Variants in KLHL5 observed in about 807,000 individuals in gnomAD.
KLHL5 encodes the protein kelch-like protein 5.
A neutral mutation model predicts 77.7 loss-of-function variants in KLHL5; 48 were observed. That is an observed-to-expected ratio of 0.62 (90% CI 0.49 to 0.79). The LOEUF (loss-of-function observed/expected upper bound fraction) is 0.79, where lower values mean the gene tolerates loss of function less well. KLHL5 is among the 30% of genes least tolerant of loss of function. The pLI is 0.00. For synonymous variants in KLHL5, 260 were observed against 297.0 expected, an observed-to-expected ratio of 0.88 and a Z score of 1.28; for missense variants, 723 against 859.7, an observed-to-expected ratio of 0.84 and a Z score of 1.99.
At chr4:39,141,791 A>C in the KLHL5 span, among the ~76,000 whole-genome samples, 1 of 152,144 alleles carries the variant, frequency 6.6e-6, no homozygotes, top group Non-Finnish European at 1.5e-5. Flanking sequence ...AAAGAAAAGA[A>C]AAAGAAAGAA....
downstream of KLHL5, chr4:39,126,765 C>T (rs1297874198): frequency 2.2e-6 from 1 of 455,736 alleles, no homozygotes; most frequent in South Asian, 1.5e-5. Context: ...GGAGGCAAAA[C>T]TCCTTATCTG....
At chr4:39,131,967 G>A in the KLHL5 span, among the ~76,000 whole-genome samples, 3 of 151,832 alleles carry the variant, frequency 2.0e-5, no homozygotes, top group Non-Finnish European at 2.9e-5. Context: ...AAGCTCTTTT[G>A]CCCCAAGGGC....
chr4:39,131,157 A>G (rs1723788605), downstream of KLHL5, among the ~76,000 whole-genome samples: 1 of 151,794 alleles, frequency 6.6e-6, no homozygotes, highest in African/African-American at 2.4e-5. Context: ...CCAGCCTGAC[A>G]TTACAAATCC....
chr4:39,088,528 A>G (rs1051119075), intron 5 of KLHL5, among the ~76,000 whole-genome samples: 9 of 152,194 alleles, frequency 5.9e-5, no homozygotes, highest in Non-Finnish European at 1.2e-4. Flanking sequence ...CTTGTCCACT[A>G]AACCATTCTG....
intron 2 of KLHL5, among the ~76,000 whole-genome samples, chr4:39,080,097 G>C (rs1456302119): frequency 2.0e-5 from 3 of 152,224 alleles, no homozygotes; most frequent in Middle Eastern, 3.4e-3. Flanking sequence ...TAAGAAAATG[G>C]AATTAGAGAG....
At chr4:39,047,990 T>A (rs534106708) in intron 1 of KLHL5, among the ~76,000 whole-genome samples, 1 of 152,326 alleles carries the variant, frequency 6.6e-6, no homozygotes, top group Non-Finnish European at 1.5e-5. Context: ...AAAATTAGAA[T>A]GATGAGAGCA....
chr4:39,066,961 A>G (rs571004939), intron 1 of KLHL5, among the ~76,000 whole-genome samples: 23 of 152,364 alleles, frequency 1.5e-4, no homozygotes, highest in African/African-American at 5.5e-4. Flanking sequence ...AATTACAAAG[A>G]TGATACACTA....
At chr4:39,077,171 A>G (rs1189660235) in intron 2 of KLHL5, among the ~76,000 whole-genome samples, 1 of 152,072 alleles carries the variant, frequency 6.6e-6, no homozygotes, top group African/African-American at 2.4e-5. Flanking sequence ...ATATGAAAAC[A>G]TATTTGGCCG....
chr4:39,046,663 G>A (rs1158594270), intron 1 of KLHL5, among the ~76,000 whole-genome samples: 1 of 152,126 alleles, frequency 6.6e-6, no homozygotes, highest in African/African-American at 2.4e-5. Flanking sequence ...CCCTAACCAA[G>A]GCGTTTTCCA....
At chr4:39,136,092 A>G in the KLHL5 span, among the ~76,000 whole-genome samples, 1 of 152,020 alleles carries the variant, frequency 6.6e-6, no homozygotes, top group Non-Finnish European at 1.5e-5. Flanking sequence ...ATGAAAAAAA[A>G]TCTACTCAAA....
intron 9 of KLHL5, 34 bp from the exon 10 acceptor site, chr4:39,115,125 T>C (rs1035117374): frequency 6.3e-7 from 1 of 1,577,178 alleles, no homozygotes; most frequent in Admixed American, 2.0e-5. Context: ...ATTTTAAGAA[T>C]AATGTCAGCT....
Position 39,113,177 on chromosome 4 carries a change from G to T in KLHL5, c.1846G>T (p.Gly616Trp). 2.5e-6 allele frequency: 4 copies of T among 1,614,088 alleles called. No individual in the cohort carries two copies. Among genetic ancestry groups the T allele is most frequent in the East Asian group, 2.2e-5 (1 of 44,884 alleles). Reference protein sequence around the residue: ...TWNGLLYAIGGHDAPASNLTS... With the variant: ...TWNGLLYAIGWHDAPASNLTS... Reference sequence around the variant, plus strand: ...GAATGGACTGCTGTATGCTATAGGGGGGCACGATGCTCCCGCATCCAACTT... The same window carrying T: ...GAATGGACTGCTGTATGCTATAGGGTGGCACGATGCTCCCGCATCCAACTT... Residue 616 changes from glycine (G) to tryptophan (W), a missense_variant, in exon 9 of 11, where the codon GGG becomes TGG. Physicochemically the swap from Gly to Trp is radical, Grantham distance 184. Transcript: ENST00000504108.
At chr4:39,132,024 A>T in the KLHL5 span, among the ~76,000 whole-genome samples, 1 of 152,176 alleles carries the variant, frequency 6.6e-6, no homozygotes, top group African/African-American at 2.4e-5. Flanking sequence ...TCGACCTCCC[A>T]GGGGATGGGA....
At chr4:39,090,226 C>T (rs577005845) in intron 5 of KLHL5, among the ~76,000 whole-genome samples, 2 of 152,052 alleles carry the variant, frequency 1.3e-5, no homozygotes, top group African/African-American at 4.8e-5. Context: ...GTCTGTTTAC[C>T]AAGAGAATTT....
At chr4:39,133,624 A>G in the KLHL5 span, among the ~76,000 whole-genome samples, 14 of 152,126 alleles carry the variant, frequency 9.2e-5, no homozygotes, top group East Asian at 1.3e-3. Flanking sequence ...GTAGTAAGGC[A>G]AAGTTCCCAA....
chr4:39,118,300 T>A (rs1186352665), intron 10 of KLHL5, among the ~76,000 whole-genome samples: 1 of 151,322 alleles, frequency 6.6e-6, no homozygotes, highest in African/African-American at 2.4e-5. Flanking sequence ...CAAGGCCACA[T>A]AGCAAATAAA....
In KLHL5 at chr4:39,062,678, A is replaced by G. The variant is rs1422153968; in HGVS notation, c.26A>G (p.Asp9Gly). ...ATGTCTGGTTCTCGTAAAGAGTTTG[A>G]TGTGAAACAGATTTTGAAAATCAGA... Reference protein sequence around the residue: MSGSRKEFDVKQILKIRWR... With the variant: MSGSRKEFGVKQILKIRWR... The change falls in exon 1 of 11, where the codon GAT becomes GGT. Residue 9 changes from aspartate to glycine, a missense_variant. By Grantham distance (94) the Asp-to-Gly change is moderately conservative. Coordinates refer to ENST00000504108, the MANE Select transcript of KLHL5 (RefSeq NM_015990.5). The G allele has an allele frequency of 1.2e-6, 2 of 1,614,058 alleles. No homozygotes were observed. The highest frequency in any genetic ancestry group is 1.7e-6 in the Non-Finnish European group (2 of 1,180,020).
At chr4:39,070,204 G>A (rs1341409483) in intron 1 of KLHL5, among the ~76,000 whole-genome samples, 1 of 152,060 alleles carries the variant, frequency 6.6e-6, no homozygotes, top group Non-Finnish European at 1.5e-5. Flanking sequence ...GGCCTCATTG[G>A]CTTCTACACC....
the KLHL5 span, among the ~76,000 whole-genome samples, chr4:39,138,090 A>G: frequency 6.6e-6 from 1 of 151,656 alleles, no homozygotes; most frequent in Admixed American, 6.6e-5. Flanking sequence ...GCACTTATAC[A>G]CTGAAGTGCT....
Sources: gnomAD v4.1 joint callset for allele counts (sites outside exome capture counted in the v4.1 genomes callset) on GRCh38, gnomAD v4.1.1 for gene constraint, MANE v1.5 for transcripts, NCBI Gene and HGNC (gene_info 2026-07-23, HGNC 2026-07-21) for gene names.